Variants in ZSWIM6 observed in about 807,000 individuals in gnomAD.
ZSWIM6 encodes the protein zinc finger SWIM domain-containing protein 6.
A neutral mutation model predicts 113.2 loss-of-function variants in ZSWIM6; 9 were observed. The observed-to-expected ratio is 0.08, with a 90% CI of 0.05 to 0.14. The LOEUF (loss-of-function observed/expected upper bound fraction) is 0.14. Ranked by LOEUF, ZSWIM6 falls within the 10% of genes least tolerant of loss-of-function variation. The pLI, the probability that ZSWIM6 is intolerant of heterozygous loss-of-function variation, is 1.00. For synonymous variants in ZSWIM6, 611 were observed against 606.5 expected (o/e 1.01, Z -0.11); for missense variants, 1,162 against 1,552.2 (o/e 0.75, Z 4.22).
chr5:61,356,901 G>A (rs1744927703), intron 1 of ZSWIM6, among the ~76,000 whole-genome samples: 2 of 149,610 alleles, frequency 1.3e-5, no homozygotes, highest in African/African-American at 4.9e-5. Flanking sequence ...GGGTTTTCTT[G>A]AGTTTCAGTG....
intron 1 of ZSWIM6, among the ~76,000 whole-genome samples, chr5:61,349,121 ATACTC>A (rs1262830597): frequency 1.3e-5 from 2 of 152,202 alleles, no homozygotes; most frequent in Non-Finnish European, 2.9e-5. Flanking sequence ...AGATGTAAAA[ATACTC>A]TACCATACAC....
At chr5:61,359,310 A>G (rs1744983566) in intron 1 of ZSWIM6, among the ~76,000 whole-genome samples, 1 of 152,116 alleles carries the variant, frequency 6.6e-6, no homozygotes, top group East Asian at 1.9e-4. Context: ...GAAAGAAGGC[A>G]GGGGTTCAGG....
intron 1 of ZSWIM6, among the ~76,000 whole-genome samples, chr5:61,452,626 A>G (rs1423002977): frequency 6.6e-6 from 1 of 152,170 alleles, no homozygotes; most frequent in Non-Finnish European, 1.5e-5. Flanking sequence ...AAAAGTTGCA[A>G]AATAGCACAG....
chr5:61,540,546 A>G (rs1749700542), intron 12 of ZSWIM6, among the ~76,000 whole-genome samples: 2 of 152,186 alleles, frequency 1.3e-5, no homozygotes, highest in African/African-American at 4.8e-5. Context: ...TGTTTAAATA[A>G]TAGGATCACA....
Position 61,544,393 on chromosome 5 carries a change from CT to C in ZSWIM6, c.*81del. ...TTTTACTTGAGCCTGCCTTTGTACC[CT>C]TTTTAACTTAAAGAACAGAGCCACA... is the stretch of plus-strand genomic sequence containing the variant. On this transcript the variant is annotated 3_prime_UTR_variant, in exon 14 of 14. Transcript: ENST00000252744. 9.8e-7 allele frequency: 1 copy of C among 1,021,132 alleles called. No homozygotes were observed. 63.3% of individuals were successfully genotyped at this position (1,021,132 alleles called of 1,614,324 possible).
rs911322712 is a variant in ZSWIM6 at position 61,370,809 on chromosome 5, A to AT, written c.676+37871dup. 1.7e-3 allele frequency among the ~76,000 whole-genome samples: 261 copies of AT among 150,700 alleles called. 3 individuals carry two copies. The highest frequency in any genetic ancestry group is 0.016 in the East Asian group (82 of 5,158). ...CAATGGATATTAGCATAGTTTTACA[A>AT]TTTTTTTTTTGCCAATTAACAGCAA... On this transcript the variant is annotated intron_variant, in intron 1 of 13. Transcript: ENST00000252744.
chr5:61,407,649 T>C (rs1227494970), intron 1 of ZSWIM6, among the ~76,000 whole-genome samples: 1 of 152,124 alleles, frequency 6.6e-6, no homozygotes, highest in Non-Finnish European at 1.5e-5. Flanking sequence ...AAGAAAATGA[T>C]GAACAAATAG....
At chr5:61,353,740 A>G (rs1283025756) in intron 1 of ZSWIM6, among the ~76,000 whole-genome samples, 1 of 152,214 alleles carries the variant, frequency 6.6e-6, no homozygotes, top group Non-Finnish European at 1.5e-5. Flanking sequence ...AAATAATTTC[A>G]GTCACAACAT....
chr5:61,390,575 C>A, intron 1 of ZSWIM6: 2 of 563,258 alleles, frequency 3.6e-6, no homozygotes. Flanking sequence ...TGTGAATGAG[C>A]ATTGTCAGAA....
chr5:61,497,640 G>C (rs778911541), intron 4 of ZSWIM6, among the ~76,000 whole-genome samples: 2 of 152,238 alleles, frequency 1.3e-5, no homozygotes, highest in East Asian at 3.9e-4. Context: ...ACATGAGTCA[G>C]TTTTTCAAAT....
intron 4 of ZSWIM6, among the ~76,000 whole-genome samples, chr5:61,516,599 T>A (rs1170900765): frequency 6.6e-6 from 1 of 150,410 alleles, no homozygotes; most frequent in Admixed American, 6.6e-5. Flanking sequence ...CTCCCTTTTT[T>A]ATGTTATAGT....
intron 3 of ZSWIM6, among the ~76,000 whole-genome samples, chr5:61,493,420 G>T (rs1442866769): frequency 6.6e-6 from 1 of 152,118 alleles, no homozygotes; most frequent in African/African-American, 2.4e-5. Context: ...TTGGTGAATT[G>T]TATGGTATAT....
At chr5:61,433,015 TGAAAAA>T (rs1273918225) in intron 1 of ZSWIM6, among the ~76,000 whole-genome samples, 16 of 152,050 alleles carry the variant, frequency 1.1e-4, no homozygotes, top group African/African-American at 3.6e-4. Flanking sequence ...CTTCGGAACA[TGAAAAA>T]GGAAGGAAGG....
intron 1 of ZSWIM6, among the ~76,000 whole-genome samples, chr5:61,459,992 T>C (rs1747290078): frequency 6.6e-6 from 1 of 152,266 alleles, no homozygotes; most frequent in African/African-American, 2.4e-5. Context: ...GTTGAGAGTA[T>C]GCCAGATGAA....
intron 9 of ZSWIM6, 48 bp from the exon 10 acceptor site, chr5:61,535,436 T>C: frequency 6.5e-7 from 1 of 1,544,640 alleles, no homozygotes; most frequent in Non-Finnish European, 8.8e-7. Context: ...ACAAGAAGTG[T>C]TAGTTCATTT....
chr5:61,521,666 G>A (rs1749129163), intron 5 of ZSWIM6, among the ~76,000 whole-genome samples: 1 of 152,042 alleles, frequency 6.6e-6, no homozygotes, highest in Non-Finnish European at 1.5e-5. Context: ...AATATGGATG[G>A]ATATAATACT....
In ZSWIM6 at chr5:61,494,521, T is replaced by C. The variant is rs541328726; in HGVS notation, c.1333+111T>C. ...TGCTGAAGAGAGAGCTGCTCATGCATGGAACGTGTTGCCAATATATAGGTT... is the reference window on the plus strand; with the variant it reads ...TGCTGAAGAGAGAGCTGCTCATGCACGGAACGTGTTGCCAATATATAGGTT... On this transcript the variant is annotated intron_variant, in intron 4 of 13. Coordinates refer to ENST00000252744, the MANE Select transcript of ZSWIM6 (RefSeq NM_020928.2). The C allele has an allele frequency of 9.4e-5, 127 of 1,356,198 alleles. No homozygotes were observed. In the African/African-American group the frequency reaches 1.7e-3, roughly 18 times the overall value. 84.0% of individuals were successfully genotyped at this position (1,356,198 alleles called of 1,614,324 possible).
intron 1 of ZSWIM6, among the ~76,000 whole-genome samples, chr5:61,369,057 G>A (rs1234819692): frequency 2.0e-5 from 3 of 152,228 alleles, no homozygotes; most frequent in Non-Finnish European, 2.9e-5. Context: ...TATTTTGTAT[G>A]TGATGTCCTT....
chr5:61,543,173 T>C lies in ZSWIM6; in HGVS notation c.2786-282T>C, dbSNP rs1749787812. 6.6e-6 allele frequency among the ~76,000 whole-genome samples: 1 copy of C among 152,156 alleles called. No homozygotes were observed. Reference sequence around the variant, plus strand: ...GTAGAACTCATTAGCAAAAAGCCATTGTCTGAAATGGCAAGCAGCACAGTA... The same window carrying C: ...GTAGAACTCATTAGCAAAAAGCCATCGTCTGAAATGGCAAGCAGCACAGTA... On this transcript the variant is annotated intron_variant, in intron 13 of 13. Coordinates refer to ENST00000252744, the MANE Select transcript of ZSWIM6 (RefSeq NM_020928.2). This position sits in a 1 kb window ranked among gnomAD's most constrained non-coding sequence, Gnocchi z 4.3.
Sources: allele counts gnomAD v4.1 joint callset (sites outside exome capture counted in the v4.1 genomes callset), GRCh38; gene constraint gnomAD v4.1.1; non-coding constraint Gnocchi (gnomAD v3.1); transcripts MANE v1.5; gene names NCBI Gene and HGNC (gene_info 2026-07-23, HGNC 2026-07-21).